The following DCC variants were observed in gnomAD, a reference collection of about 807,000 sequenced individuals.
The protein encoded by DCC is netrin receptor DCC.
Under a neutral mutation model 172.5 loss-of-function variants are expected in DCC, and 58 were observed. The observed-to-expected ratio is 0.34, with a 90% CI of 0.27 to 0.42. DCC has a LOEUF of 0.42. Ranked by LOEUF, DCC falls within the 10% of genes least tolerant of loss-of-function variation. The pLI is 1.00. For synonymous variants in DCC, 709 were observed against 644.5 expected (o/e 1.10, Z -1.52); for missense variants, 1,740 against 1,791.0 (o/e 0.97, Z 0.51).
chr18:52,909,161 A>T (rs1293806332), intron 3 of DCC, among the ~76,000 whole-genome samples: 1 of 152,206 alleles, frequency 6.6e-6, no homozygotes, highest in African/African-American at 2.4e-5. Context: ...TCATTTCAAA[A>T]ATCATCGTAA....
chr18:52,507,335 C>G (rs986805195), intron 1 of DCC, among the ~76,000 whole-genome samples: 1 of 152,146 alleles, frequency 6.6e-6, no homozygotes, highest in African/African-American at 2.4e-5. Context: ...TATATTAACA[C>G]AGTGCTTGTA....
At chr18:53,264,848 A>C (rs1029808213) in intron 12 of DCC, among the ~76,000 whole-genome samples, 2 of 152,186 alleles carry the variant, frequency 1.3e-5, no homozygotes, top group African/African-American at 4.8e-5. Context: ...AAGCATCTTC[A>C]CATCCTGAAA....
chr18:53,343,658 T>A (rs2057687663), intron 15 of DCC, among the ~76,000 whole-genome samples: 1 of 151,986 alleles, frequency 6.6e-6, no homozygotes, highest in Non-Finnish European at 1.5e-5. Flanking sequence ...TTTACTCCAG[T>A]TAGATTGGCT....
At chr18:52,929,703 G>T (rs1010949797) in intron 5 of DCC, among the ~76,000 whole-genome samples, 1 of 151,746 alleles carries the variant, frequency 6.6e-6, no homozygotes, top group Non-Finnish European at 1.5e-5. Context: ...TAAATGTGGA[G>T]GTATAAAAGT....
At chr18:53,362,672 C>T (rs560807169) in intron 15 of DCC, among the ~76,000 whole-genome samples, 1 of 152,104 alleles carries the variant, frequency 6.6e-6, no homozygotes, top group Non-Finnish European at 1.5e-5. Flanking sequence ...AATAGGCTAT[C>T]ATCATCAACA....
intron 5 of DCC, among the ~76,000 whole-genome samples, chr18:52,975,307 G>A (rs1027674646): frequency 6.6e-6 from 1 of 152,138 alleles, no homozygotes; most frequent in African/African-American, 2.4e-5. Flanking sequence ...GAGCTCTGGT[G>A]TTTCTTTCTT....
chr18:52,564,740 T>C (rs1285358612), intron 1 of DCC, among the ~76,000 whole-genome samples: 1 of 151,638 alleles, frequency 6.6e-6, no homozygotes, highest in Non-Finnish European at 1.5e-5. Flanking sequence ...AAAATTTACC[T>C]GTATACAAAT....
chr18:53,310,234 A>C lies in DCC; in HGVS notation c.2053+4515A>C, dbSNP rs182705667. Among the ~76,000 whole-genome samples, 92 of 152,206 alleles carry C rather than the reference A, an allele frequency of 6.0e-4. No individual in the cohort carries two copies. The East Asian group carries it at 0.017, about 28-fold the overall frequency. On this transcript the variant is annotated intron_variant, in intron 13 of 28. Coordinates refer to ENST00000442544, the MANE Select transcript of DCC (RefSeq NM_005215.4). ...TTAGACATGTCCCCAGGATATATAT[A>C]GCACTTACACACTTTGTTGTAAGCA...
intron 1 of DCC, among the ~76,000 whole-genome samples, chr18:52,583,652 T>G (rs560040826): frequency 1.9e-4 from 29 of 152,344 alleles, no homozygotes; most frequent in African/African-American, 7.0e-4. Flanking sequence ...CACTTTATAC[T>G]TTGAATGATA....
intron 13 of DCC, among the ~76,000 whole-genome samples, chr18:53,305,936 T>C (rs547491619): frequency 1.8e-4 from 27 of 152,354 alleles, no homozygotes; most frequent in African/African-American, 6.3e-4. Flanking sequence ...TCTTAATACA[T>C]GTATCATAAA....
intron 28 of DCC, 134 bp from the exon 29 acceptor site, chr18:53,530,430 A>G (rs771606799): frequency 2.7e-6 from 2 of 734,160 alleles, no homozygotes; most frequent in East Asian, 5.2e-5. Flanking sequence ...AGTATATTCC[A>G]AGGACAGCCC....
chr18:53,206,237 T>C (rs1331514622), intron 10 of DCC, among the ~76,000 whole-genome samples: 7 of 130,644 alleles, frequency 5.4e-5, no homozygotes, highest in African/African-American at 2.0e-4. Context: ...ATATATGTGT[T>C]ATACATAATA....
chr18:52,876,161 C>T (rs1239232398), intron 2 of DCC, among the ~76,000 whole-genome samples: 1 of 152,072 alleles, frequency 6.6e-6, no homozygotes, highest in East Asian at 1.9e-4. Context: ...CAATAGAGGG[C>T]AACTAAATCA....
intron 2 of DCC, among the ~76,000 whole-genome samples, chr18:52,848,060 G>T (rs6508167): frequency 0.052 from 7,850 of 149,680 alleles, 713 homozygotes; most frequent in African/African-American, 0.18. Context: ...ACAGGAAAAG[G>T]TTCATTGATT....
At chr18:52,868,071 G>GTATATATA in intron 2 of DCC, among the ~76,000 whole-genome samples, 1 of 127,740 alleles carries the variant, frequency 7.8e-6, no homozygotes, top group Non-Finnish European at 1.8e-5. Context: ...GTGTGTGTGT[G>GTATATATA]TGTGTGTATA....
chr18:52,679,537 A>G (rs1048031691), intron 1 of DCC, among the ~76,000 whole-genome samples: 6 of 152,120 alleles, frequency 3.9e-5, no homozygotes, highest in African/African-American at 1.2e-4. Flanking sequence ...ACAGGACACT[A>G]TGAGGTAAGC....
At chr18:53,070,815 C>T (rs1353111396) in intron 7 of DCC, among the ~76,000 whole-genome samples, 1 of 152,164 alleles carries the variant, frequency 6.6e-6, no homozygotes, top group Non-Finnish European at 1.5e-5. Context: ...TTCCCCCTTA[C>T]ACATGATGGA....
intron 15 of DCC, among the ~76,000 whole-genome samples, chr18:53,351,574 G>A (rs956865515): frequency 7.1e-6 from 1 of 141,122 alleles, no homozygotes; most frequent in African/African-American, 2.6e-5. Context: ...TTTTCCTTTT[G>A]TTAAAATAAC....
intron 1 of DCC, among the ~76,000 whole-genome samples, chr18:52,367,619 G>T (rs1984937432): frequency 6.6e-6 from 1 of 152,064 alleles, no homozygotes; most frequent in African/African-American, 2.4e-5. Context: ...TTCTTTTCTT[G>T]TCTCAATACT....
Sources: gnomAD v4.1 joint callset for allele counts (sites outside exome capture counted in the v4.1 genomes callset) on GRCh38, gnomAD v4.1.1 for gene constraint, MANE v1.5 for transcripts, NCBI Gene and HGNC (gene_info 2026-07-23, HGNC 2026-07-21) for gene names.